CSMD3: variants seen among roughly 807,000 people sequenced by gnomAD.
The protein encoded by CSMD3 is CUB and Sushi multiple domains 3.
Under a neutral mutation model 435.2 loss-of-function variants are expected in CSMD3, and 177 were observed. The observed-to-expected ratio is 0.41, with a 90% CI of 0.36 to 0.46. The LOEUF is 0.46. Ranked by LOEUF, CSMD3 falls within the 20% of genes least tolerant of loss-of-function variation. The pLI is 0.34. For synonymous variants in CSMD3, 1,656 were observed against 1,520.5 expected (o/e 1.09, Z -2.07); for missense variants, 4,265 against 4,504.6 (o/e 0.95, Z 1.52).
At position 112,425,261 on chromosome 8, in the gene CSMD3, A is replaced by T. The variant is rs191517691; in HGVS notation, c.5396-16229T>A. ...ATGTGGCTAACTAATGTTTTGAAAG[A>T]TATCTAGAAGGTTATATTCTAATTT... On this transcript the variant is annotated intron_variant, in intron 32 of 70. Coordinates refer to ENST00000297405, the MANE Select transcript of CSMD3 (RefSeq NM_198123.2). Among the ~76,000 whole-genome samples the T allele has an allele frequency of 3.7e-4, 57 of 152,314 alleles. No individual in the cohort carries two copies. In the Middle Eastern group the frequency reaches 0.01, roughly 27 times the overall value.
At chr8:112,989,224 A>C (rs2085360395) in intron 6 of CSMD3, among the ~76,000 whole-genome samples, 1 of 152,040 alleles carries the variant, frequency 6.6e-6, no homozygotes, top group Admixed American at 6.6e-5. Flanking sequence ...TGAAAGAGTT[A>C]TTTAAGAAAA....
chr8:113,146,264 A>G (rs1017806351), intron 4 of CSMD3, among the ~76,000 whole-genome samples: 2 of 151,520 alleles, frequency 1.3e-5, no homozygotes, highest in Admixed American at 6.6e-5. Context: ...GTCAGCCTCA[A>G]TGTAACCACA....
chr8:112,428,645 T>A (rs988742903), intron 32 of CSMD3, among the ~76,000 whole-genome samples: 3 of 152,132 alleles, frequency 2.0e-5, no homozygotes, highest in Non-Finnish European at 2.9e-5. Context: ...GTATGCTAAA[T>A]TCAGTGGTGG....
At chr8:112,511,877 T>C (rs1823181562) in intron 28 of CSMD3, among the ~76,000 whole-genome samples, 2 of 152,208 alleles carry the variant, frequency 1.3e-5, no homozygotes, top group Admixed American at 6.5e-5. Context: ...ATTTCAACAA[T>C]GTTCACAGCA....
intron 3 of CSMD3, among the ~76,000 whole-genome samples, chr8:113,220,951 A>C (rs577970410): frequency 6.6e-6 from 1 of 151,486 alleles, no homozygotes; most frequent in African/African-American, 2.4e-5. Context: ...ACAACAGACA[A>C]ACCCCAAATA....
chr8:112,618,246 C>T (rs1833803772), intron 22 of CSMD3, among the ~76,000 whole-genome samples: 1 of 151,996 alleles, frequency 6.6e-6, no homozygotes, highest in Non-Finnish European at 1.5e-5. Context: ...AGGAATTAAA[C>T]AGAAGACTTC....
At chr8:113,264,066 ATTCAT>A (rs1453238019) in intron 3 of CSMD3, among the ~76,000 whole-genome samples, 12 of 151,490 alleles carry the variant, frequency 7.9e-5, no homozygotes, top group East Asian at 1.9e-4. Flanking sequence ...ATAAGGAAGA[ATTCAT>A]TTCAAGTTTA....
At chr8:112,473,721 A>ATTT (rs71309772) in intron 31 of CSMD3, among the ~76,000 whole-genome samples, 33,717 of 130,918 alleles carry the variant, frequency 0.26, 4,469 homozygotes, top group East Asian at 0.45. Context: ...AGGAAGAGGG[A>ATTT]TTTTTTTTTT....
intron 32 of CSMD3, among the ~76,000 whole-genome samples, chr8:112,424,910 T>C (rs1812903289): frequency 6.6e-6 from 1 of 152,200 alleles, no homozygotes; most frequent in South Asian, 2.1e-4. Context: ...CAGGAGGGTC[T>C]CTATCTCTCG....
chr8:112,714,879 G>A (rs571711239), intron 13 of CSMD3, among the ~76,000 whole-genome samples: 2 of 152,220 alleles, frequency 1.3e-5, no homozygotes, highest in South Asian at 4.1e-4. Context: ...AAACCAATGA[G>A]AATAAAGAGA....
At chr8:113,072,108 G>A (rs1156747287) in intron 5 of CSMD3, among the ~76,000 whole-genome samples, 7 of 151,518 alleles carry the variant, frequency 4.6e-5, no homozygotes, top group Non-Finnish European at 7.4e-5. Context: ...CATATGGTTT[G>A]TTGTTTCAAT....
At chr8:112,506,668 G>A (rs1563632613) in intron 29 of CSMD3, 23 bp downstream of exon 29, 6 of 1,609,794 alleles carry the variant, frequency 3.7e-6, no homozygotes, top group Non-Finnish European at 5.1e-6. Context: ...TTTTAACGTG[G>A]AAATAAATAT....
intron 13 of CSMD3, among the ~76,000 whole-genome samples, chr8:112,719,075 G>A (rs1216648840): frequency 6.6e-6 from 1 of 151,970 alleles, no homozygotes; most frequent in East Asian, 1.9e-4. Flanking sequence ...AACCACATTT[G>A]TTATATCAAA....
Position 112,279,722 on chromosome 8 carries a change from A to C in CSMD3, c.9508+1452T>G, listed in dbSNP as rs1818445598. ...TTGGCATGGGAAAGTTGATTACCACAGCCTAAATACCCTGATGCCCCTGAT... is the reference window on the plus strand; with the variant it reads ...TTGGCATGGGAAAGTTGATTACCACCGCCTAAATACCCTGATGCCCCTGAT... On this transcript the variant is annotated intron_variant, in intron 59 of 70. Transcript: ENST00000297405. 2.0e-5 allele frequency among the ~76,000 whole-genome samples: 3 copies of C among 152,174 alleles called. No individual in the cohort carries two copies. In the South Asian group the frequency reaches 6.2e-4, roughly 31 times the overall value.
chr8:113,259,834 G>T (rs2093412633), intron 3 of CSMD3, among the ~76,000 whole-genome samples: 2 of 152,104 alleles, frequency 1.3e-5, no homozygotes, highest in African/African-American at 4.8e-5. Flanking sequence ...TAAGAGCAGT[G>T]ATATGGTTTG....
intron 37 of CSMD3, among the ~76,000 whole-genome samples, chr8:112,382,357 G>C (rs920981982): frequency 3.5e-4 from 52 of 149,078 alleles, no homozygotes; most frequent in African/African-American, 1.1e-3. Flanking sequence ...ACAAATAAAA[G>C]TGTGCTAAAA....
chr8:112,939,842 C>G (rs1244357723), intron 9 of CSMD3, among the ~76,000 whole-genome samples: 1 of 151,828 alleles, frequency 6.6e-6, no homozygotes, highest in Non-Finnish European at 1.5e-5. Flanking sequence ...AATGGGTAGT[C>G]AATGGCTACA....
rs147036466 is a variant in CSMD3, at chr8:113,225,317, C to A, written c.515-51401G>T. ...CCAGAAAGAACATTCAGAAAAAGTTCTCTGTTCTTCTCTTGTCCACTAGTG... is the reference window on the plus strand; with the variant it reads ...CCAGAAAGAACATTCAGAAAAAGTTATCTGTTCTTCTCTTGTCCACTAGTG... On this transcript the variant is annotated intron_variant, in intron 3 of 70. Coordinates refer to ENST00000297405, the MANE Select transcript of CSMD3 (RefSeq NM_198123.2). 3.3e-5 allele frequency among the ~76,000 whole-genome samples: 5 copies of A among 151,582 alleles called. No homozygotes were observed. The East Asian group carries it at 7.8e-4, about 24-fold the overall frequency.
intron 52 of CSMD3, among the ~76,000 whole-genome samples, chr8:112,303,805 G>T (rs1212564696): frequency 6.6e-6 from 1 of 152,002 alleles, no homozygotes; most frequent in Non-Finnish European, 1.5e-5. Context: ...TAAGATAGTT[G>T]TCTGCTACGT....
Sources: allele counts gnomAD v4.1 joint callset (sites outside exome capture counted in the v4.1 genomes callset), GRCh38; gene constraint gnomAD v4.1.1; transcripts MANE v1.5; gene names NCBI Gene and HGNC (gene_info 2026-07-23, HGNC 2026-07-21).